DAAM2: variants seen among roughly 807,000 people sequenced by gnomAD.
DAAM2 encodes disheveled-associated activator of morphogenesis 2.
DAAM2 carries 39 observed loss-of-function variants against 120.7 expected under a neutral mutation model. That is an observed-to-expected ratio of 0.32 (90% CI 0.25 to 0.42). The LOEUF (loss-of-function observed/expected upper bound fraction) is 0.42, where lower values mean the gene tolerates loss of function less well. Among genes scored for constraint, DAAM2 ranks in the 10% least tolerant of loss-of-function variants. The pLI is 1.00. For missense variants in DAAM2, 1,283 were observed against 1,401.7 expected, an observed-to-expected ratio of 0.92 and a Z score of 1.35; for synonymous variants, 488 against 524.9, an observed-to-expected ratio of 0.93 and a Z score of 0.96.
intron 1 of DAAM2, among the ~76,000 whole-genome samples, chr6:39,808,294 G>A (rs1762066895): frequency 6.6e-6 from 1 of 152,090 alleles, no homozygotes; most frequent in Admixed American, 6.5e-5. Context: ...CCTTCCTTGA[G>A]AGCTACTGGG....
At chr6:39,865,431 A>C (rs1764387304) in intron 5 of DAAM2, among the ~76,000 whole-genome samples, 1 of 152,252 alleles carries the variant, frequency 6.6e-6, no homozygotes, top group Non-Finnish European at 1.5e-5. Flanking sequence ...ATGAGGGGGC[A>C]GGGTGAGTGC....
intron 21 of DAAM2, 84 bp downstream of exon 21, chr6:39,897,366 C>CT: frequency 1.1e-6 from 1 of 873,348 alleles, no homozygotes; most frequent in Non-Finnish European, 1.9e-6. Context: ...CTACTCTGGG[C>CT]TTGATGATGG....
chr6:39,805,671 C>T (rs1761989751), intron 1 of DAAM2, among the ~76,000 whole-genome samples: 1 of 151,816 alleles, frequency 6.6e-6, no homozygotes, highest in African/African-American at 2.4e-5. Flanking sequence ...TTCCCTGCCT[C>T]AGCCTCTGGA....
intron 19 of DAAM2, 187 bp downstream of exon 19, chr6:39,891,909 C>T: frequency 1.7e-6 from 1 of 599,596 alleles, no homozygotes. Context: ...CTTATATTAG[C>T]ACATGCGCCA....
intron 11 of DAAM2, among the ~76,000 whole-genome samples, chr6:39,876,730 C>T (rs3003927): frequency 0.67 from 100,595 of 149,306 alleles, 34,334 homozygotes; most frequent in African/African-American, 0.81. Context: ...TGTGTGTGTG[C>T]GTGTGTGTAT....
chr6:39,901,949 T>TA lies in DAAM2; in HGVS notation c.3120dup (p.Cys1041MetfsTer54). On this transcript the variant is annotated frameshift_variant, in exon 25 of 25. Coordinates refer to ENST00000274867, the MANE Select transcript of DAAM2 (RefSeq NM_001201427.2). LOFTEE classifies it high-confidence loss of function. The surrounding 1 kb of genome is among the most constrained non-coding windows in gnomAD (Gnocchi z 4.5). ...TCTGGGGAGGTCTTCGACAAGGACT[T>TA]ATGCAAGCTCAAGCGCAGCCGCAAG... The TA allele has an allele frequency of 6.2e-7, 1 of 1,612,430 alleles. No individual in the cohort carries two copies. Among genetic ancestry groups the TA allele is most frequent in the African/African-American group, 1.3e-5 (1 of 74,992 alleles).
intron 4 of DAAM2, 150 bp downstream of exon 4, chr6:39,864,657 A>C (rs1764352020): frequency 1.5e-6 from 1 of 674,206 alleles, no homozygotes; most frequent in Admixed American, 3.0e-5. Flanking sequence ...GCAGCTTTCC[A>C]GTTATTCATG....
chr6:39,882,711 A>ACACACACG (rs946006188), intron 14 of DAAM2, among the ~76,000 whole-genome samples: 3 of 21,796 alleles, frequency 1.4e-4, no homozygotes, highest in Admixed American at 4.3e-4. Context: ...GCGCACACAC[A>ACACACACG]CACACACGCA....
At chr6:39,849,847 C>T (rs1372746269) in intron 1 of DAAM2, among the ~76,000 whole-genome samples, 1 of 152,156 alleles carries the variant, frequency 6.6e-6, no homozygotes, top group Admixed American at 6.5e-5. Flanking sequence ...GATGGAAAAG[C>T]ATAGATTCTT....
At chr6:39,897,865 T>C (rs73414835) in intron 21 of DAAM2, among the ~76,000 whole-genome samples, 3,392 of 152,246 alleles carry the variant, frequency 0.022, 132 homozygotes, top group African/African-American at 0.077. Context: ...TCAATTACAA[T>C]GCGAATGCTG....
In DAAM2 at chr6:39,887,470, G is replaced by A; in HGVS notation, c.1954-16G>A. The A allele has an allele frequency of 1.2e-6, 2 of 1,601,510 alleles. No individual in the cohort carries two copies. The highest frequency in any genetic ancestry group is 1.7e-6 in the Non-Finnish European group (2 of 1,170,506). On this transcript the variant is annotated splice_polypyrimidine_tract_variant and intron_variant, in intron 15 of 24. Transcript: ENST00000274867. ...GAACCCACACCTCAACTGTCCACTT[G>A]ACTTGTTGGTTGCAGAAAGAGCTGG...
intron 1 of DAAM2, among the ~76,000 whole-genome samples, chr6:39,794,186 G>A (rs980105244): frequency 1.1e-4 from 17 of 152,168 alleles, no homozygotes; most frequent in African/African-American, 3.9e-4. Flanking sequence ...AAGGGTGCAT[G>A]TAAACAGGAG....
intron 1 of DAAM2, among the ~76,000 whole-genome samples, chr6:39,799,361 C>G (rs2651317): frequency 6.6e-6 from 1 of 151,970 alleles, no homozygotes; most frequent in East Asian, 1.9e-4. Flanking sequence ...TTGGCTCTTT[C>G]GTTAGCACCG....
At chr6:39,895,304 C>T (rs996151614) in intron 19 of DAAM2, among the ~76,000 whole-genome samples, 11 of 151,070 alleles carry the variant, frequency 7.3e-5, no homozygotes, top group African/African-American at 2.2e-4. Context: ...GGTGTGATCT[C>T]GGCTCACTGC....
intron 1 of DAAM2, among the ~76,000 whole-genome samples, chr6:39,847,395 C>T (rs931113275): frequency 7.2e-5 from 11 of 152,208 alleles, no homozygotes; most frequent in South Asian, 4.2e-4. Context: ...ACAGCAACCC[C>T]GTCTGTGTGA....
intron 1 of DAAM2, among the ~76,000 whole-genome samples, chr6:39,830,623 G>A (rs907847614): frequency 1.1e-4 from 17 of 152,150 alleles, no homozygotes; most frequent in Non-Finnish European, 2.5e-4. Flanking sequence ...CAGGCCTTGG[G>A]CCCACCTCCC....
intron 1 of DAAM2, among the ~76,000 whole-genome samples, chr6:39,842,430 G>C (rs1763379982): frequency 1.3e-5 from 2 of 152,118 alleles, no homozygotes; most frequent in Non-Finnish European, 2.9e-5. Flanking sequence ...TCAGGAGTTG[G>C]AGACCAGCCT....
intron 10 of DAAM2, among the ~76,000 whole-genome samples, chr6:39,873,613 G>C (rs865816456): frequency 8.5e-5 from 13 of 152,252 alleles, no homozygotes; most frequent in African/African-American, 2.9e-4. Context: ...AAAAACGGTA[G>C]CTTGATCATT....
chr6:39,797,246 CA>C (rs1253032896), intron 1 of DAAM2, among the ~76,000 whole-genome samples: 7 of 152,174 alleles, frequency 4.6e-5, no homozygotes, highest in Admixed American at 1.3e-4. Context: ...TCCTGAGAAT[CA>C]AGGTCAAACT....
Sources: allele counts gnomAD v4.1 joint callset (sites outside exome capture counted in the v4.1 genomes callset), GRCh38; gene constraint gnomAD v4.1.1; non-coding constraint Gnocchi (gnomAD v3.1); transcripts MANE v1.5; gene names NCBI Gene and HGNC (gene_info 2026-07-23, HGNC 2026-07-21).